The following GLB1L2 variants were observed in gnomAD, a reference collection of about 807,000 sequenced individuals.
The protein encoded by GLB1L2 is galactosidase beta 1 like 2.
Under a neutral mutation model 84.1 loss-of-function variants are expected in GLB1L2, and 68 were observed. The ratio of observed to expected loss-of-function variants is 0.81; its 90% CI spans 0.67 to 0.99. The LOEUF (loss-of-function observed/expected upper bound fraction) is 0.99, where lower values mean the gene tolerates loss of function less well. Ranked by LOEUF, GLB1L2 falls within the 50% of genes least tolerant of loss-of-function variation. The probability of loss-of-function intolerance (pLI) is 0.00; values close to 1 mark genes in which losing one functional copy is unlikely to be tolerated. For missense variants in GLB1L2, 762 were observed against 805.6 expected (o/e 0.95, Z 0.66); for synonymous variants, 290 against 318.0 (o/e 0.91, Z 0.94).
rs2136258464 is a variant in GLB1L2 at position 134,339,047 on chromosome 11, A to G, written c.87-3707A>G. 6.6e-6 allele frequency among the ~76,000 whole-genome samples: 1 copy of G among 152,356 alleles called. No homozygotes were observed. Among genetic ancestry groups the G allele is most frequent in the Non-Finnish European group, 1.5e-5 (1 of 68,030 alleles). ...AGGAATCCTAGCAGAAAGTGTTAAC[A>G]TAAGCTCCAGTTCAAAAGAAGGCAG... On this transcript the variant is annotated intron_variant, in intron 1 of 18. Transcript: ENST00000535456. The surrounding 1 kb of genome is among the most constrained non-coding windows in gnomAD (Gnocchi z 5.7).
intron 1 of GLB1L2, among the ~76,000 whole-genome samples, chr11:134,340,158 A>G (rs1225069551): frequency 6.6e-6 from 1 of 152,164 alleles, no homozygotes; most frequent in Non-Finnish European, 1.5e-5. Context: ...TAGGATAAGT[A>G]ATGTGTGCTT....
chr11:134,363,867 G>C (rs1289132825), intron 7 of GLB1L2, among the ~76,000 whole-genome samples: 1 of 152,142 alleles, frequency 6.6e-6, no homozygotes, highest in Non-Finnish European at 1.5e-5. Flanking sequence ...CTGGCGTCCT[G>C]GCTGACTTAT....
intron 5 of GLB1L2, among the ~76,000 whole-genome samples, chr11:134,355,174 T>C (rs1268348274): frequency 1.3e-5 from 2 of 152,194 alleles, no homozygotes. Context: ...CCCCAGAAGT[T>C]CCTTTGGTTC....
At position 134,361,427 on chromosome 11, in the gene GLB1L2, C is replaced by G. The variant is rs567505204; in HGVS notation, c.733+2286C>G. 934 of 152,392 alleles carry G rather than the reference C, an allele frequency of 6.1e-3. 6 individuals carry two copies. The highest frequency in any genetic ancestry group is 0.01 in the Non-Finnish European group (681 of 68,086). 9.4% of individuals were successfully genotyped at this position (152,392 alleles called of 1,614,324 possible). On this transcript the variant is annotated intron_variant, in intron 7 of 18. Transcript: ENST00000535456. The stretch of plus-strand genomic sequence containing the variant: ...CCCTGATAGGCGCCAGCGTGGGCCT[C>G]GCGGATGTGTATGACAACGGTTCAC...
At position 134,334,624 on chromosome 11, in the gene GLB1L2, T is replaced by G. The variant is rs1943353297; in HGVS notation, c.86+2477T>G. On this transcript the variant is annotated intron_variant, in intron 1 of 18. Transcript: ENST00000535456. This position sits in a 1 kb window ranked among gnomAD's most constrained non-coding sequence, Gnocchi z 4.1. ...AAAACAGCCACCAGCCCCCAAAGTT[T>G]CCATGTACCTCTCTGTCATCCCTCC... Among the ~76,000 whole-genome samples, 1 of 152,090 alleles carries G rather than the reference T, an allele frequency of 6.6e-6. No individual in the cohort carries two copies. The highest frequency in any genetic ancestry group is 2.1e-4 in the South Asian group (1 of 4,820).
chr11:134,375,080 G>A lies in GLB1L2; in HGVS notation c.*22G>A. On this transcript the variant is annotated 3_prime_UTR_variant, in exon 19 of 19. Coordinates refer to ENST00000535456, the MANE Select transcript of GLB1L2 (RefSeq NM_001370461.1). ...GTGAGCGGTGGCACCCCCTCCTGCT[G>A]GTGCCAGTGGGAGACTGCCGCCTCC... 6.2e-7 allele frequency: 1 copy of A among 1,602,018 alleles called. No individual in the cohort carries two copies. Among genetic ancestry groups the A allele is most frequent in the Non-Finnish European group, 8.5e-7 (1 of 1,171,452 alleles).
In GLB1L2 at chr11:134,356,408, A is replaced by AGTGC; in HGVS notation, c.651+18_651+21dup. 6.3e-7 allele frequency: 1 copy of AGTGC among 1,582,450 alleles called. No individual in the cohort carries two copies. Among genetic ancestry groups the AGTGC allele is most frequent in the Middle Eastern group, 1.7e-4 (1 of 6,012 alleles). ...ACGTCAAGAAGGTAAGAATCCTCTTAGTGCGTTTCTTTAGATTCCTTCCTC... is the reference window on the plus strand; with the variant it reads ...ACGTCAAGAAGGTAAGAATCCTCTTAGTGCGTGCGTTTCTTTAGATTCCTTCCTC... On this transcript the variant is annotated intron_variant, in intron 6 of 18. Coordinates refer to ENST00000535456, the MANE Select transcript of GLB1L2 (RefSeq NM_001370461.1).
chr11:134,341,400 T>C (rs1202949983), intron 1 of GLB1L2, among the ~76,000 whole-genome samples: 1 of 152,160 alleles, frequency 6.6e-6, no homozygotes, highest in Non-Finnish European at 1.5e-5. Flanking sequence ...TCTACCAAGC[T>C]GGGGGCCAGG....
At chr11:134,354,057 T>A (rs1425567848) in intron 5 of GLB1L2, among the ~76,000 whole-genome samples, 4 of 152,218 alleles carry the variant, frequency 2.6e-5, no homozygotes, top group Non-Finnish European at 5.9e-5. Context: ...TGATAGAGAA[T>A]CACTTGCTTT....
At chr11:134,342,432 C>T (rs1943478986) in intron 1 of GLB1L2, among the ~76,000 whole-genome samples, 1 of 149,620 alleles carries the variant, frequency 6.7e-6, no homozygotes, top group South Asian at 2.1e-4. Flanking sequence ...CCGTGCGGCG[C>T]CCGCCCCGCC....
chr11:134,363,935 T>C (rs1417935512), intron 7 of GLB1L2, among the ~76,000 whole-genome samples: 1 of 152,236 alleles, frequency 6.6e-6, no homozygotes, highest in Non-Finnish European at 1.5e-5. Context: ...TAGGGTGCAA[T>C]GGCACAATCT....
rs1943994473 is a variant in GLB1L2 at position 134,374,168 on chromosome 11, C to T, written c.1619C>T (p.Ser540Phe). Residue 540 changes from serine to phenylalanine, a missense_variant, in exon 17 of 19, where the codon TCC (serine) becomes TTC (phenylalanine). By Grantham distance (155) the Ser-to-Phe change is radical. This residue lies in a region of GLB1L2 where 603 missense variants were observed against 611.7 expected (regional missense o/e 0.99). Coordinates refer to ENST00000535456, the MANE Select transcript of GLB1L2 (RefSeq NM_001370461.1). ...FQRFGLDKWS[S>F]LPETPTLPAF... Reference sequence around the variant, plus strand: ...AGGTTCGGCCTGGACAAATGGAGTTCCCTCCCAGAAACACCCACATTACCT... The same window carrying T: ...AGGTTCGGCCTGGACAAATGGAGTTTCCTCCCAGAAACACCCACATTACCT... 14 of 1,613,710 alleles carry T rather than the reference C, an allele frequency of 8.7e-6. No individual in the cohort carries two copies. The highest frequency in any genetic ancestry group is 1.2e-5 in the Non-Finnish European group (14 of 1,179,684).
At chr11:134,335,426 G>T (rs1943369905) in intron 1 of GLB1L2, among the ~76,000 whole-genome samples, 1 of 152,118 alleles carries the variant, frequency 6.6e-6, no homozygotes, top group Non-Finnish European at 1.5e-5. Context: ...TCATCTTGTA[G>T]TAGTAAAGTT....
At chr11:134,342,297 C>T (rs1028202432) in intron 1 of GLB1L2, among the ~76,000 whole-genome samples, 10 of 152,192 alleles carry the variant, frequency 6.6e-5, no homozygotes, top group African/African-American at 1.4e-4. Context: ...GGGTGGACGC[C>T]GCCAACGCAG....
chr11:134,348,366 C>A (rs1362516090), intron 5 of GLB1L2, among the ~76,000 whole-genome samples: 1 of 152,046 alleles, frequency 6.6e-6, no homozygotes, highest in African/African-American at 2.4e-5. Context: ...TTAACCATGA[C>A]AGAAGCAAGG....
intron 1 of GLB1L2, among the ~76,000 whole-genome samples, chr11:134,342,512 C>T (rs1202883304): frequency 6.6e-6 from 1 of 152,182 alleles, no homozygotes; most frequent in Non-Finnish European, 1.5e-5. Context: ...GCCCGCCGGC[C>T]TCCATGCCGA....
Position 134,339,296 on chromosome 11 carries a change from T to C in GLB1L2, c.87-3458T>C, listed in dbSNP as rs979920168. The stretch of plus-strand genomic sequence containing the variant: ...GTTACTCAGGAAATTATGGGGTTAT[T>C]CTCCGTCTTATGATTATTAGTATTA... On this transcript the variant is annotated intron_variant, in intron 1 of 18. Transcript: ENST00000535456. This position sits in a 1 kb window ranked among gnomAD's most constrained non-coding sequence, Gnocchi z 5.7. Among the ~76,000 whole-genome samples, 1 of 152,186 alleles carries C rather than the reference T, an allele frequency of 6.6e-6. No homozygotes were observed. The highest frequency in any genetic ancestry group is 6.5e-5 in the Admixed American group (1 of 15,278).
chr11:134,352,234 G>T (rs1427052036), intron 5 of GLB1L2, among the ~76,000 whole-genome samples: 2 of 152,122 alleles, frequency 1.3e-5, no homozygotes, highest in East Asian at 1.9e-4. Context: ...TAATTTGTTG[G>T]CGTACAATTT....
intron 3 of GLB1L2, 27 bp from the exon 4 acceptor site, chr11:134,345,007 A>T (rs1251655414): frequency 6.2e-7 from 1 of 1,605,222 alleles, no homozygotes; most frequent in East Asian, 2.2e-5. Context: ...CCGTCGTGGG[A>T]GGGGCTGACG....
Sources: gnomAD v4.1 joint callset for allele counts (sites outside exome capture counted in the v4.1 genomes callset) on GRCh38, gnomAD v4.1.1 for gene constraint, gnomAD v4.1.1 regional missense constraint, Gnocchi (gnomAD v3.1) non-coding constraint, MANE v1.5 for transcripts, NCBI Gene and HGNC (gene_info 2026-07-23, HGNC 2026-07-21) for gene names.